The following STARD4 variants were observed in gnomAD, a reference collection of about 807,000 sequenced individuals.
STARD4 encodes StAR related lipid transfer domain containing 4, also known as stAR-related lipid transfer protein 4.
In STARD4, 33 loss-of-function variants were observed where a neutral mutation model predicts 24.9. That is an observed-to-expected ratio of 1.32 (90% CI 1.00 to 1.77). STARD4 has a LOEUF of 1.77. Ranked by LOEUF, STARD4 falls within the 40% of genes most tolerant of loss-of-function variation. The pLI, the probability that STARD4 is intolerant of heterozygous loss-of-function variation, is 0.00. For missense variants in STARD4, 238 were observed against 249.3 expected, an observed-to-expected ratio of 0.95 and a Z score of 0.31; for synonymous variants, 88 against 77.4, an observed-to-expected ratio of 1.14 and a Z score of -0.72.
At chr5:111,502,232 G>A in intron 3 of STARD4, 144 bp from the exon 4 acceptor site, 5 of 935,898 alleles carry the variant, frequency 5.3e-6, no homozygotes, top group Middle Eastern at 3.7e-4. Flanking sequence ...ATTCTGGGAG[G>A]CTGAGGTGAG....
chr5:111,500,644 A>G (rs1361022292), intron 5 of STARD4: 1 of 1,228,436 alleles, frequency 8.1e-7, no homozygotes, highest in African/African-American at 1.6e-5. Flanking sequence ...AAGGAAGAAT[A>G]TTCTAAGACA....
chr5:111,508,275 A>G lies in STARD4; in HGVS notation c.-9-833T>C, dbSNP rs114443916. Among the ~76,000 whole-genome samples the G allele has an allele frequency of 4.8e-3, 729 of 152,146 alleles. 6 individuals carry two copies. The highest frequency in any genetic ancestry group is 0.016 in the African/African-American group (684 of 41,520). On this transcript the variant is annotated intron_variant, in intron 1 of 5. Coordinates refer to ENST00000296632, the MANE Select transcript of STARD4 (RefSeq NM_139164.3). Reference sequence around the variant, plus strand: ...CTACTCTTTGACCACCTCATTCCTAACTAATAGCATAGAGGTCCTTTTCTT... The same window carrying G: ...CTACTCTTTGACCACCTCATTCCTAGCTAATAGCATAGAGGTCCTTTTCTT...
intron 3 of STARD4, among the ~76,000 whole-genome samples, chr5:111,502,697 G>A (rs1387797931): frequency 6.6e-6 from 1 of 151,960 alleles, no homozygotes; most frequent in Non-Finnish European, 1.5e-5. Flanking sequence ...GGAGGCTGAG[G>A]CAGGAGAATC....
At position 111,498,620 on chromosome 5, in the gene STARD4, C is replaced by G. The variant is rs1160284673; in HGVS notation, c.*1266G>C. The G allele has an allele frequency of 6.6e-6, 1 of 151,950 alleles. No homozygotes were observed. Among genetic ancestry groups the G allele is most frequent in the African/African-American group, 2.4e-5 (1 of 41,378 alleles). 9.4% of individuals were successfully genotyped at this position (151,950 alleles called of 1,614,324 possible). On this transcript the variant is annotated 3_prime_UTR_variant, in exon 6 of 6. Transcript: ENST00000296632. ...AAAAAAAAGAAGAAACCTAGTAATT[C>G]AAAAGTACATTCAATTTAGAAAAGG...
chr5:111,498,801 A>C lies in STARD4; in HGVS notation c.*1085T>G, dbSNP rs575347020. ...AAATCTATCATCACCAGTGGCAAAA[A>C]ATAAATAAAAACAAAAGCAAAAAAC... is the stretch of plus-strand genomic sequence containing the variant. On this transcript the variant is annotated 3_prime_UTR_variant, in exon 6 of 6. Coordinates refer to ENST00000296632, the MANE Select transcript of STARD4 (RefSeq NM_139164.3). 9.2e-5 allele frequency: 14 copies of C among 152,300 alleles called. No homozygotes were observed. Among genetic ancestry groups the C allele is most frequent in the African/African-American group, 3.1e-4 (13 of 41,558 alleles). 9.4% of individuals were successfully genotyped at this position (152,300 alleles called of 1,614,324 possible).
intron 3 of STARD4, among the ~76,000 whole-genome samples, chr5:111,502,767 T>C (rs1756560329): frequency 6.6e-6 from 1 of 151,068 alleles, no homozygotes; most frequent in African/African-American, 2.4e-5. Flanking sequence ...CACTCCAGCC[T>C]GGGCAACAAG....
intron 3 of STARD4, among the ~76,000 whole-genome samples, chr5:111,503,485 TG>T (rs1338906133): frequency 4.6e-5 from 7 of 151,876 alleles, no homozygotes; most frequent in Admixed American, 1.3e-4. Context: ...AAAAATTAGC[TG>T]GGTGTGGTGG....
In STARD4 at chr5:111,499,665, A is replaced by G; in HGVS notation, c.*221T>C. On this transcript the variant is annotated 3_prime_UTR_variant, in exon 6 of 6. Transcript: ENST00000296632. ...ACCACTGCCCTCCAGCATGGGCAACAGAGTGAGAGCCTGTCTCAAAATTTA... is the reference window on the plus strand; with the variant it reads ...ACCACTGCCCTCCAGCATGGGCAACGGAGTGAGAGCCTGTCTCAAAATTTA... 1.9e-6 allele frequency: 1 copy of G among 531,006 alleles called. No homozygotes were observed. The highest frequency in any genetic ancestry group is 3.4e-6 in the Non-Finnish European group (1 of 297,864). 32.9% of individuals were successfully genotyped at this position (531,006 alleles called of 1,614,324 possible). A position where few individuals can be genotyped will look rare whatever the true frequency, so the allele number is the denominator to read the frequency against.
In STARD4 at chr5:111,496,918, A is replaced by C. The variant is rs1314254002; in HGVS notation, c.*2968T>G. 1 of 152,068 alleles carries C rather than the reference A, an allele frequency of 6.6e-6. No homozygotes were observed. Among genetic ancestry groups the C allele is most frequent in the Non-Finnish European group, 1.5e-5 (1 of 67,934 alleles). The allele number at this position is 152,068 out of a possible 1,614,324, so 9.4% of individuals were successfully genotyped here. ...TTTATCTTATAGATTAGTTAACTAC[A>C]GAATACTAGATTCTCATTATTTTTT... On this transcript the variant is annotated 3_prime_UTR_variant, in exon 6 of 6. Transcript: ENST00000296632.
At chr5:111,505,079 T>G (rs753226168) in intron 3 of STARD4, 4 of 452,508 alleles carry the variant, frequency 8.8e-6, no homozygotes, top group South Asian at 6.3e-5. Flanking sequence ...TCATATGTGT[T>G]TATGCAGTAG....
rs552774527 is a variant in STARD4, at chr5:111,511,613, C to G, written c.-10+772G>C. ...GCAACAGGAAGGTTGAGTCACTTGT[C>G]CAAGATCACACAGTTCATAAGTGAT... On this transcript the variant is annotated intron_variant, in intron 1 of 5. Transcript: ENST00000296632. Among the ~76,000 whole-genome samples the G allele has an allele frequency of 1.6e-3, 243 of 152,282 alleles. 1 individual carries two copies. The highest frequency in any genetic ancestry group is 5.7e-3 in the African/African-American group (237 of 41,562).
Position 111,499,923 on chromosome 5 carries a change from A to G in STARD4, c.581T>C (p.Leu194Ser). Residue 194 changes from leucine to serine, a missense_variant, in exon 6 of 6, where the codon TTA becomes TCA. Transcript: ENST00000296632. ...TCGTAAATCACCATAGAAGTTGGTT[A>G]AAGTGCTTGCCATGGCTGTATCTAC... Reference protein sequence around the residue: ...SAVDTAMASTLTNFYGDLRKA... With the variant: ...SAVDTAMASTSTNFYGDLRKA... 1 of 1,614,158 alleles carries G rather than the reference A, an allele frequency of 6.2e-7. No homozygotes were observed.
chr5:111,496,858 T>G lies in STARD4; in HGVS notation c.*3028A>C, dbSNP rs1052495329. On this transcript the variant is annotated 3_prime_UTR_variant, in exon 6 of 6. Coordinates refer to ENST00000296632, the MANE Select transcript of STARD4 (RefSeq NM_139164.3). ...TGAATGAACACTGAAATAAAAAGAT[T>G]TTTAAGATTTACAAGCTCCCTAGTA... 2 of 152,040 alleles carry G rather than the reference T, an allele frequency of 1.3e-5. No individual in the cohort carries two copies. The highest frequency in any genetic ancestry group is 2.9e-5 in the Non-Finnish European group (2 of 67,938). The allele number at this position is 152,040 out of a possible 1,614,324, so 9.4% of individuals were successfully genotyped here. A position where few individuals can be genotyped will look rare whatever the true frequency, so the allele number is the denominator to read the frequency against.
At chr5:111,511,565 C>T (rs1270766588) in intron 1 of STARD4, among the ~76,000 whole-genome samples, 1 of 151,954 alleles carries the variant, frequency 6.6e-6, no homozygotes, top group Non-Finnish European at 1.5e-5. Context: ...TACATTTTCC[C>T]TGTTTTACAG....
At chr5:111,502,879 G>C (rs1012310153) in intron 3 of STARD4, among the ~76,000 whole-genome samples, 1 of 151,558 alleles carries the variant, frequency 6.6e-6, no homozygotes, top group Non-Finnish European at 1.5e-5. Flanking sequence ...ACATTCTACC[G>C]GTTACTGTTA....
chr5:111,503,848 G>T (rs1391154784), intron 3 of STARD4, among the ~76,000 whole-genome samples: 1 of 151,982 alleles, frequency 6.6e-6, no homozygotes, highest in African/African-American at 2.4e-5. Flanking sequence ...CTGGGAGAAG[G>T]TAGTATAACA....
intron 2 of STARD4, 63 bp from the exon 3 acceptor site, chr5:111,506,442 A>G: frequency 1.4e-6 from 1 of 725,102 alleles, no homozygotes; most frequent in Non-Finnish European, 2.2e-6. Flanking sequence ...CACAAAACTG[A>G]TAATTTTATA....
intron 3 of STARD4, chr5:111,504,937 T>G (rs1373059238): frequency 3.7e-5 from 16 of 436,086 alleles, no homozygotes; most frequent in Non-Finnish European, 7.2e-5. Flanking sequence ...ATCTTTCACA[T>G]GCATTTGCCC....
Position 111,501,090 on chromosome 5 carries a change from A to T in STARD4, c.309T>A (p.Thr103=), listed in dbSNP as rs769028461. ...EENCCVMRYT[T]AGQLWNIISP... ...AAATTATATTCCAAAGCTGACCAGCAGTAGTGTAACGCATCACACAGCAAT... is the reference window on the plus strand; with the variant it reads ...AAATTATATTCCAAAGCTGACCAGCTGTAGTGTAACGCATCACACAGCAAT... Residue 103 remains threonine (T), a synonymous_variant, in exon 5 of 6, where the codon ACT becomes ACA. Transcript: ENST00000296632. 1 of 1,609,332 alleles carries T rather than the reference A, an allele frequency of 6.2e-7. No homozygotes were observed. Among genetic ancestry groups the T allele is most frequent in the Non-Finnish European group, 8.5e-7 (1 of 1,178,830 alleles).
Sources: allele counts gnomAD v4.1 joint callset (sites outside exome capture counted in the v4.1 genomes callset), GRCh38; gene constraint gnomAD v4.1.1; transcripts MANE v1.5; gene names NCBI Gene and HGNC (gene_info 2026-07-23, HGNC 2026-07-21).